SMAP1: variants seen among roughly 807,000 people sequenced by gnomAD.
SMAP1 encodes the protein small ArfGAP 1.
In SMAP1, 24 loss-of-function variants were observed where a neutral mutation model predicts 58.5. The observed-to-expected ratio is 0.41, with a 90% CI of 0.30 to 0.58. SMAP1 has a LOEUF of 0.58. SMAP1 is among the 20% of genes least tolerant of loss of function. The pLI, the probability that SMAP1 is intolerant of heterozygous loss-of-function variation, is 0.29. For synonymous variants in SMAP1, 216 were observed against 196.6 expected (o/e 1.10, Z -0.82); for missense variants, 563 against 566.3 (o/e 0.99, Z 0.06).
chr6:70,772,431 A>G (rs534861894), intron 3 of SMAP1, among the ~76,000 whole-genome samples: 193 of 152,306 alleles, frequency 1.3e-3, no homozygotes, highest in African/African-American at 4.4e-3. Flanking sequence ...TTTCAGTGTA[A>G]TTGGGTTTTT....
intron 2 of SMAP1, among the ~76,000 whole-genome samples, chr6:70,748,028 G>A (rs1336813314): frequency 6.6e-6 from 1 of 152,134 alleles, no homozygotes; most frequent in African/African-American, 2.4e-5. Flanking sequence ...AATGGACTCT[G>A]TATTAAATAT....
intron 4 of SMAP1, among the ~76,000 whole-genome samples, chr6:70,787,893 G>A (rs369871310): frequency 1.8e-4 from 27 of 151,812 alleles, no homozygotes; most frequent in African/African-American, 5.8e-4. Context: ...TCAGTGTGGC[G>A]ATTCCTCAGG....
chr6:70,676,203 G>A (rs1329009525), intron 1 of SMAP1, among the ~76,000 whole-genome samples: 2 of 152,168 alleles, frequency 1.3e-5, no homozygotes, highest in Admixed American at 6.5e-5. Context: ...AAATCATAAC[G>A]ATGAGTACAA....
At chr6:70,787,870 A>G (rs1213301048) in intron 4 of SMAP1, among the ~76,000 whole-genome samples, 1 of 150,242 alleles carries the variant, frequency 6.7e-6, no homozygotes, top group Non-Finnish European at 1.5e-5. Context: ...CACTAGTTCA[A>G]CCATTGTGGA....
chr6:70,833,709 G>A (rs1037624308), intron 6 of SMAP1, among the ~76,000 whole-genome samples: 2 of 152,140 alleles, frequency 1.3e-5, no homozygotes, highest in Admixed American at 6.5e-5. Context: ...GTGTGCAAAT[G>A]TGCAAAACAA....
chr6:70,691,386 A>G (rs1266398418), intron 1 of SMAP1, among the ~76,000 whole-genome samples: 1 of 152,188 alleles, frequency 6.6e-6, no homozygotes, highest in Non-Finnish European at 1.5e-5. Flanking sequence ...CATACAAAGC[A>G]TAATAGTCAC....
At chr6:70,777,130 C>T (rs1460875670) in intron 4 of SMAP1, among the ~76,000 whole-genome samples, 1 of 152,144 alleles carries the variant, frequency 6.6e-6, no homozygotes, top group Non-Finnish European at 1.5e-5. Context: ...TTTGTTTTCT[C>T]TGTATCCTCT....
intron 7 of SMAP1, among the ~76,000 whole-genome samples, chr6:70,841,087 G>A (rs889036878): frequency 2.0e-5 from 3 of 152,176 alleles, no homozygotes; most frequent in African/African-American, 7.2e-5. Context: ...AGTTCCCCCC[G>A]ACTAATGCTT....
At chr6:70,821,288 T>C (rs1459093814) in intron 6 of SMAP1, among the ~76,000 whole-genome samples, 2 of 152,202 alleles carry the variant, frequency 1.3e-5, no homozygotes, top group African/African-American at 4.8e-5. Flanking sequence ...CATTGCATTC[T>C]CATTTCTTAT....
intron 3 of SMAP1, among the ~76,000 whole-genome samples, chr6:70,770,053 T>C (rs1767204415): frequency 6.7e-6 from 1 of 149,686 alleles, no homozygotes; most frequent in Non-Finnish European, 1.5e-5. Flanking sequence ...TTGAAAATTC[T>C]TTTAAGAATG....
chr6:70,791,966 T>C (rs1340990596), intron 5 of SMAP1, among the ~76,000 whole-genome samples, 197 bp downstream of exon 5: 2 of 152,212 alleles, frequency 1.3e-5, no homozygotes, highest in Non-Finnish European at 2.9e-5. Flanking sequence ...AATTTCAGAA[T>C]GACTGATTTA....
chr6:70,721,268 C>A (rs528269415), intron 1 of SMAP1, among the ~76,000 whole-genome samples: 1 of 152,226 alleles, frequency 6.6e-6, no homozygotes, highest in South Asian at 2.1e-4. Flanking sequence ...ATTTTTTCCG[C>A]CAGATACCCT....
intron 6 of SMAP1, among the ~76,000 whole-genome samples, chr6:70,818,260 G>A (rs921061836): frequency 2.0e-5 from 3 of 149,976 alleles, no homozygotes; most frequent in African/African-American, 7.4e-5. Context: ...AAAAAAATTA[G>A]CTGGGCATGG....
intron 1 of SMAP1, among the ~76,000 whole-genome samples, chr6:70,676,378 T>G (rs767826292): frequency 1.3e-5 from 2 of 152,210 alleles, no homozygotes; most frequent in African/African-American, 2.4e-5. Flanking sequence ...AGCCTGCTAA[T>G]AAGGGTACAG....
chr6:70,781,264 T>G (rs1356203173), intron 4 of SMAP1, among the ~76,000 whole-genome samples: 2 of 152,218 alleles, frequency 1.3e-5, no homozygotes, highest in African/African-American at 2.4e-5. Context: ...GATTTAGGCT[T>G]CTTCTACACA....
At chr6:70,743,032 G>A (rs1315290354) in intron 2 of SMAP1, among the ~76,000 whole-genome samples, 1 of 152,206 alleles carries the variant, frequency 6.6e-6, no homozygotes, top group East Asian at 1.9e-4. Flanking sequence ...TGAGATTTGG[G>A]TGGTGACAGA....
rs76029627 is a variant in SMAP1 at position 70,861,992 on chromosome 6, A to G, written c.*1658A>G. The G allele has an allele frequency of 1.9e-6, 1 of 518,422 alleles. No individual in the cohort carries two copies. The highest frequency in any genetic ancestry group is 4.5e-5 in the Admixed American group (1 of 22,292). The allele number at this position is 518,422 out of a possible 1,614,324, so 32.1% of individuals were successfully genotyped here. A position where few individuals can be genotyped will look rare whatever the true frequency, so the allele number is the denominator to read the frequency against. On this transcript the variant is annotated 3_prime_UTR_variant, in exon 11 of 11. Coordinates refer to ENST00000370455, the MANE Select transcript of SMAP1 (RefSeq NM_001044305.3). ...TTACAGCAAATCCTTTGTGAAAAAT[A>G]AAAAAAAAAAAGAGACTTTAAAATC...
chr6:70,843,571 C>T (rs1031196428), intron 7 of SMAP1, among the ~76,000 whole-genome samples: 37 of 152,228 alleles, frequency 2.4e-4, no homozygotes, highest in African/African-American at 7.7e-4. Flanking sequence ...AGTCTGACTT[C>T]GGGGCTCAGA....
chr6:70,688,412 A>G (rs1392080328), intron 1 of SMAP1, among the ~76,000 whole-genome samples: 4 of 152,218 alleles, frequency 2.6e-5, no homozygotes, highest in Non-Finnish European at 4.4e-5. Context: ...CATTTTATAC[A>G]TCTACTAATG....
Sources: allele counts gnomAD v4.1 joint callset (sites outside exome capture counted in the v4.1 genomes callset), GRCh38; gene constraint gnomAD v4.1.1; transcripts MANE v1.5; gene names NCBI Gene and HGNC (gene_info 2026-07-23, HGNC 2026-07-21).